WDR72: variants seen among roughly 807,000 people sequenced by gnomAD.
WDR72 encodes the protein WD repeat domain 72.
In WDR72, 120 loss-of-function variants were observed where a neutral mutation model predicts 124.2. The ratio of observed to expected loss-of-function variants is 0.97; its 90% CI spans 0.83 to 1.12. The LOEUF (loss-of-function observed/expected upper bound fraction) is 1.12. Among genes scored for constraint, WDR72 ranks in the 50% most tolerant of loss-of-function variants. The pLI is 0.00. For missense variants in WDR72, 1,387 were observed against 1,278.8 expected, an observed-to-expected ratio of 1.08 and a Z score of -1.29; for synonymous variants, 452 against 441.7, an observed-to-expected ratio of 1.02 and a Z score of -0.29.
Position 53,517,356 on chromosome 15 carries a change from T to G in WDR72, c.*343A>C. The G allele has an allele frequency of 1.3e-5, 4 of 303,388 alleles. No homozygotes were observed. The South Asian group carries it at 1.4e-4, about 11-fold the overall frequency. 18.8% of individuals were successfully genotyped at this position (303,388 alleles called of 1,614,324 possible). A position where few individuals can be genotyped will look rare whatever the true frequency, so the allele number is the denominator to read the frequency against. On this transcript the variant is annotated 3_prime_UTR_variant, in exon 20 of 20. Transcript: ENST00000360509. The stretch of plus-strand genomic sequence containing the variant: ...ATTGTTTATTATATAATTCAGGGAC[T>G]AAAAGGATAGGAGAAAATTTAAAGC...
At chr15:53,578,916 C>A (rs1215901930) in intron 18 of WDR72, among the ~76,000 whole-genome samples, 2 of 152,000 alleles carry the variant, frequency 1.3e-5, no homozygotes, top group Non-Finnish European at 2.9e-5. Context: ...TGCATCTGGA[C>A]TAGGAGAGTC....
In WDR72 at chr15:53,712,852, C is replaced by T; in HGVS notation, c.631G>A (p.Glu211Lys). 6.2e-7 allele frequency: 1 copy of T among 1,613,828 alleles called. No homozygotes were observed. Among genetic ancestry groups the T allele is most frequent in the Non-Finnish European group, 8.5e-7 (1 of 1,179,880 alleles). ...DVYEKESKFL[E>K]SLNCQTIRFC... ...CGAATTGTCTGGCAGTTCAAGGACTCAAGAAACTTGGATTCTTTTTCATAG... is the reference window on the plus strand; with the variant it reads ...CGAATTGTCTGGCAGTTCAAGGACTTAAGAAACTTGGATTCTTTTTCATAG... Residue 211 changes from glutamate (E) to lysine (K), a missense_variant, in exon 7 of 20, where the codon GAG becomes AAG. Transcript: ENST00000360509.
At chr15:53,741,996 G>T (rs1339612322) in intron 1 of WDR72, among the ~76,000 whole-genome samples, 1 of 152,146 alleles carries the variant, frequency 6.6e-6, no homozygotes, top group Non-Finnish European at 1.5e-5. Context: ...CCAAAGTGCT[G>T]GGATTACAGG....
chr15:53,517,770 A>C lies in WDR72; in HGVS notation c.3254-16T>G. The stretch of plus-strand genomic sequence containing the variant: ...CTTGGCTCACCTAGGAAAAAAGCAG[A>C]TATCTTGGGTTATATGGTGAAATCT... On this transcript the variant is annotated splice_polypyrimidine_tract_variant and intron_variant, in intron 19 of 19. Transcript: ENST00000360509. 1 of 1,612,504 alleles carries C rather than the reference A, an allele frequency of 6.2e-7. No homozygotes were observed. The highest frequency in any genetic ancestry group is 8.5e-7 in the Non-Finnish European group (1 of 1,178,844).
At chr15:53,704,579 T>C (rs1190718301) in intron 11 of WDR72, among the ~76,000 whole-genome samples, 1 of 151,386 alleles carries the variant, frequency 6.6e-6, no homozygotes, top group East Asian at 1.9e-4. Flanking sequence ...CAGGCTGGAG[T>C]GCAGTGGCGT....
At chr15:53,639,509 TA>T (rs2014757114) in intron 14 of WDR72, among the ~76,000 whole-genome samples, 1 of 146,170 alleles carries the variant, frequency 6.8e-6, no homozygotes, top group African/African-American at 2.5e-5. Context: ...TATAAAATTA[TA>T]TATAATTTTA....
intron 16 of WDR72, among the ~76,000 whole-genome samples, chr15:53,612,563 T>C (rs1300209603): frequency 6.6e-6 from 1 of 151,614 alleles, no homozygotes; most frequent in African/African-American, 2.4e-5. Flanking sequence ...CATGCTTGGG[T>C]AAGAGTAAAA....
chr15:53,722,703 A>T, intron 3 of WDR72, 99 bp downstream of exon 3: 3 of 1,024,890 alleles, frequency 2.9e-6, no homozygotes, highest in Non-Finnish European at 4.6e-6. Flanking sequence ...GCACATGTTG[A>T]TCACAAAGGT....
chr15:53,720,910 C>T lies in WDR72; in HGVS notation c.260+1892G>A, dbSNP rs143641459. On this transcript the variant is annotated intron_variant, in intron 3 of 19. Coordinates refer to ENST00000360509, the MANE Select transcript of WDR72 (RefSeq NM_182758.4). ...CTGAGCCATAAAGCAACTCTGGGTC[C>T]CCTCTGGTCACCATAAAGGCAAAAA... 4.0e-3 allele frequency among the ~76,000 whole-genome samples: 602 copies of T among 152,192 alleles called. 6 individuals carry two copies. Among genetic ancestry groups the T allele is most frequent in the African/African-American group, 0.014 (575 of 41,512 alleles).
chr15:53,735,348 G>A (rs1269893460), intron 1 of WDR72, among the ~76,000 whole-genome samples: 1 of 152,172 alleles, frequency 6.6e-6, no homozygotes, highest in Non-Finnish European at 1.5e-5. Flanking sequence ...CTCATACACT[G>A]ACGGGGGGAA....
intron 13 of WDR72, among the ~76,000 whole-genome samples, chr15:53,677,990 T>C (rs1011167444): frequency 6.6e-6 from 1 of 152,162 alleles, no homozygotes. Flanking sequence ...TTAGGGAAAG[T>C]ATTTTAACTA....
intron 18 of WDR72, among the ~76,000 whole-genome samples, chr15:53,573,648 C>T (rs529472890): frequency 5.9e-5 from 9 of 152,148 alleles, no homozygotes; most frequent in East Asian, 5.8e-4. Flanking sequence ...CGTGTTCAAG[C>T]GATGCTCCTG....
chr15:53,514,083 A>G lies in WDR72; in HGVS notation c.*3616T>C, dbSNP rs1351613936. On this transcript the variant is annotated 3_prime_UTR_variant, in exon 20 of 20. Transcript: ENST00000360509. ...AGCCATGCAGCTTTGTCTGAAAGAT[A>G]CCTACTCAAGTAAGTTTTAATTTTG... is the stretch of plus-strand genomic sequence containing the variant. The G allele has an allele frequency of 6.6e-6, 1 of 152,208 alleles. No homozygotes were observed. The highest frequency in any genetic ancestry group is 2.4e-5 in the African/African-American group (1 of 41,468). 9.4% of individuals were successfully genotyped at this position (152,208 alleles called of 1,614,324 possible). A position where few individuals can be genotyped will look rare whatever the true frequency, so the allele number is the denominator to read the frequency against.
chr15:53,686,629 A>T (rs950730692), intron 13 of WDR72, among the ~76,000 whole-genome samples: 1 of 149,746 alleles, frequency 6.7e-6, no homozygotes, highest in Admixed American at 6.6e-5. Flanking sequence ...TTAACACCCC[A>T]CTGTCAACGT....
chr15:53,733,102 A>G lies in WDR72; in HGVS notation c.48T>C (p.Pro16=), dbSNP rs2018250722. Residue 16 remains proline, a synonymous_variant, in exon 2 of 20, where the codon CCT becomes CCC. Coordinates refer to ENST00000360509, the MANE Select transcript of WDR72 (RefSeq NM_182758.4). The stretch of plus-strand genomic sequence containing the variant: ...TCATGATGGCAGTGATGCTGTGGGG[A>G]GGGGCCTTCTGTCCCCAGAGTGCCA... ...QAVALWGQKA[P]PHSITAIMIT... The G allele has an allele frequency of 6.2e-7, 1 of 1,613,908 alleles. No homozygotes were observed. Among genetic ancestry groups the G allele is most frequent in the African/African-American group, 1.3e-5 (1 of 74,880 alleles).
chr15:53,664,081 T>C (rs996017404), intron 14 of WDR72, among the ~76,000 whole-genome samples: 1 of 151,958 alleles, frequency 6.6e-6, no homozygotes, highest in Non-Finnish European at 1.5e-5. Context: ...AAATACAAAA[T>C]TCAGAAATGT....
chr15:53,623,621 A>G (rs1210124029), intron 14 of WDR72, among the ~76,000 whole-genome samples: 1 of 152,102 alleles, frequency 6.6e-6, no homozygotes, highest in African/African-American at 2.4e-5. Context: ...ATGAACATAC[A>G]AGATCACGTG....
chr15:53,657,263 C>CAAAAA (rs10549551), intron 14 of WDR72, among the ~76,000 whole-genome samples: 38 of 56,402 alleles, frequency 6.7e-4, no homozygotes, highest in African/African-American at 1.5e-3. Context: ...GACTCCATCT[C>CAAAAA]AAAAAAAAAA....
chr15:53,533,778 C>T (rs1319877667), intron 18 of WDR72, among the ~76,000 whole-genome samples: 1 of 152,146 alleles, frequency 6.6e-6, no homozygotes, highest in Non-Finnish European at 1.5e-5. Context: ...GAGATATCCC[C>T]TCTAACATCA....
Sources: gnomAD v4.1 joint callset for allele counts (sites outside exome capture counted in the v4.1 genomes callset) on GRCh38, gnomAD v4.1.1 for gene constraint, MANE v1.5 for transcripts, NCBI Gene and HGNC (gene_info 2026-07-23, HGNC 2026-07-21) for gene names.